The following RASGRP3 variants were observed in gnomAD, a reference collection of about 807,000 sequenced individuals.
RASGRP3 encodes ras guanyl-releasing protein 3.
A neutral mutation model predicts 82.7 loss-of-function variants in RASGRP3; 54 were observed. The observed-to-expected ratio is 0.65, with a 90% confidence interval of 0.52 to 0.82. RASGRP3 has a LOEUF of 0.82. RASGRP3 is among the 40% of genes least tolerant of loss of function. The probability of loss-of-function intolerance (pLI) is 0.00; values close to 1 mark genes in which losing one functional copy is unlikely to be tolerated. For missense variants in RASGRP3, 861 were observed against 828.9 expected (o/e 1.04, Z -0.48); for synonymous variants, 309 against 300.5 (o/e 1.03, Z -0.29).
At chr2:33,471,739 T>C (rs1272568585), upstream of RASGRP3, among the ~76,000 whole-genome samples, 1 of 152,178 alleles carries the variant, frequency 6.6e-6, no homozygotes, top group Non-Finnish European at 1.5e-5. Flanking sequence ...TTTTCCATGG[T>C]TACTGATCTG....
chr2:33,529,428 G>T (rs541213283), intron 10 of RASGRP3, among the ~76,000 whole-genome samples: 5 of 134,160 alleles, frequency 3.7e-5, no homozygotes, highest in Non-Finnish European at 7.6e-5. Context: ...CCGGGAGGTG[G>T]AGCTTGCAGC....
chr2:33,501,545 C>T lies in RASGRP3; in HGVS notation c.-260-10165C>T, dbSNP rs570589421. 3.3e-5 allele frequency among the ~76,000 whole-genome samples: 5 copies of T among 152,330 alleles called. No individual in the cohort carries two copies. The South Asian group carries it at 1.0e-3, about 32-fold the overall frequency. On this transcript the variant is annotated intron_variant, in intron 1 of 17. Transcript: ENST00000403687. ...GATGAGGGTGAGATACGAAAACTCACCCAAATGTTAAGTAAAACTTGTCCA... is the reference window on the plus strand; with the variant it reads ...GATGAGGGTGAGATACGAAAACTCATCCAAATGTTAAGTAAAACTTGTCCA...
intron 2 of RASGRP3, among the ~76,000 whole-genome samples, chr2:33,453,428 G>A (rs1045244166): frequency 6.6e-6 from 1 of 152,186 alleles, no homozygotes; most frequent in Non-Finnish European, 1.5e-5. Context: ...CCATCTTGCT[G>A]AGGTCTGCTT....
At chr2:33,506,924 A>G (rs1417654720) in intron 1 of RASGRP3, among the ~76,000 whole-genome samples, 1 of 152,230 alleles carries the variant, frequency 6.6e-6, no homozygotes, top group Non-Finnish European at 1.5e-5. Context: ...TGTGATAGAA[A>G]CAAGTTTGAC....
At chr2:33,559,871 C>T (rs1192064427) in intron 17 of RASGRP3, among the ~76,000 whole-genome samples, 6 of 152,296 alleles carry the variant, frequency 3.9e-5, no homozygotes, top group Non-Finnish European at 5.9e-5. Flanking sequence ...CCTAAACACA[C>T]GTCTCCATAC....
intron 1 of RASGRP3, among the ~76,000 whole-genome samples, chr2:33,510,393 C>T (rs994349494): frequency 1.3e-5 from 2 of 152,148 alleles, no homozygotes; most frequent in Non-Finnish European, 2.9e-5. Flanking sequence ...TCCTAGATAC[C>T]GTCTGGGAAT....
chr2:33,503,802 C>T (rs1222961807), intron 1 of RASGRP3, among the ~76,000 whole-genome samples: 4 of 152,136 alleles, frequency 2.6e-5, no homozygotes, highest in African/African-American at 9.7e-5. Flanking sequence ...ATTCATATTA[C>T]ATCTTCAGTA....
chr2:33,519,501 G>A (rs956360996), intron 4 of RASGRP3, among the ~76,000 whole-genome samples: 8 of 152,062 alleles, frequency 5.3e-5, no homozygotes, highest in Non-Finnish European at 7.4e-5. Context: ...CCACTACTAG[G>A]GAGGCTGAGG....
intron 14 of RASGRP3, 147 bp from the exon 15 acceptor site, chr2:33,555,384 T>C (rs773819393): frequency 8.8e-5 from 48 of 542,494 alleles, no homozygotes; most frequent in Middle Eastern, 3.0e-4. Context: ...AGGGTTCTTC[T>C]ATCTGGCAGG....
At chr2:33,453,509 G>A (rs73926649) in intron 2 of RASGRP3, among the ~76,000 whole-genome samples, 32 of 152,236 alleles carry the variant, frequency 2.1e-4, no homozygotes, top group African/African-American at 6.0e-4. Flanking sequence ...TCCTTTCTTC[G>A]TGGACTTCTC....
At chr2:33,520,114 C>G (rs1052788484) in intron 5 of RASGRP3, 100 bp downstream of exon 5, 58 of 957,228 alleles carry the variant, frequency 6.1e-5, no homozygotes, top group Non-Finnish European at 9.1e-5. Context: ...ACAACAGACT[C>G]TACTCTGATA....
At chr2:33,477,004 A>G (rs1372161686) in intron 1 of RASGRP3, among the ~76,000 whole-genome samples, 1 of 151,662 alleles carries the variant, frequency 6.6e-6, no homozygotes, top group Admixed American at 6.6e-5. Context: ...TTTGTTTCCC[A>G]GTGTTCAAGA....
intron 2 of RASGRP3, among the ~76,000 whole-genome samples, chr2:33,451,609 A>G (rs116126356): frequency 0.013 from 1,951 of 152,168 alleles, 50 homozygotes; most frequent in African/African-American, 0.045. Context: ...TCATTTTTGT[A>G]TGTAACGTAA....
At position 33,562,767 on chromosome 2, in the gene RASGRP3, T is replaced by C. The variant is rs776099338; in HGVS notation, c.*30T>C. The C allele has an allele frequency of 1.1e-5, 17 of 1,611,582 alleles. No individual in the cohort carries two copies. In the South Asian group the frequency reaches 1.9e-4, roughly 18 times the overall value. On this transcript the variant is annotated 3_prime_UTR_variant, in exon 18 of 18. Transcript: ENST00000403687. ...AGGCTGCGGAAACTGAAGGCAATAATGTTGGCTTTTGGAAGGGGCAAGACG... is the reference window on the plus strand; with the variant it reads ...AGGCTGCGGAAACTGAAGGCAATAACGTTGGCTTTTGGAAGGGGCAAGACG...
chr2:33,507,162 A>G (rs1190329053), intron 1 of RASGRP3, among the ~76,000 whole-genome samples: 1 of 152,186 alleles, frequency 6.6e-6, no homozygotes, highest in Non-Finnish European at 1.5e-5. Context: ...TTGGGAGGCC[A>G]AGGTGGGCAG....
chr2:33,494,613 T>C (rs923387194), intron 1 of RASGRP3, among the ~76,000 whole-genome samples: 3 of 152,142 alleles, frequency 2.0e-5, no homozygotes, highest in Non-Finnish European at 4.4e-5. Context: ...ATATACTCAC[T>C]ATAGTGTGTG....
intron 4 of RASGRP3, among the ~76,000 whole-genome samples, chr2:33,519,473 A>G (rs769511584): frequency 1.4e-4 from 21 of 152,210 alleles, no homozygotes; most frequent in Non-Finnish European, 2.6e-4. Context: ...AAAATTAGCC[A>G]GGCATGTTGG....
intron 11 of RASGRP3, among the ~76,000 whole-genome samples, chr2:33,537,327 C>CG (rs1673742397): frequency 1.3e-5 from 1 of 78,960 alleles, no homozygotes; most frequent in Admixed American, 1.3e-4. Flanking sequence ...CACACCGCCC[C>CG]CCCCACACAC....
chr2:33,548,177 C>A (rs1486927139), intron 13 of RASGRP3, among the ~76,000 whole-genome samples: 1 of 151,754 alleles, frequency 6.6e-6, no homozygotes, highest in Non-Finnish European at 1.5e-5. Flanking sequence ...TTGGCTAACA[C>A]GGTGAAACCC....
Sources: gnomAD v4.1 joint callset for allele counts (sites outside exome capture counted in the v4.1 genomes callset) on GRCh38, gnomAD v4.1.1 for gene constraint, MANE v1.5 for transcripts, NCBI Gene and HGNC (gene_info 2026-07-23, HGNC 2026-07-21) for gene names.